The following VPS37A variants were observed in gnomAD, a reference collection of about 807,000 sequenced individuals.
VPS37A encodes the protein vacuolar protein sorting-associated protein 37A.
VPS37A carries 30 observed loss-of-function variants against 49.8 expected under a neutral mutation model. The observed-to-expected ratio is 0.60, with a 90% CI of 0.45 to 0.82. VPS37A has a LOEUF of 0.82. Among genes scored for constraint, VPS37A ranks in the 40% least tolerant of loss-of-function variants. The pLI, the probability that VPS37A is intolerant of heterozygous loss-of-function variation, is 0.00. For missense variants in VPS37A, 593 were observed against 464.4 expected (o/e 1.28, Z -2.55); for synonymous variants, 195 against 160.6 (o/e 1.21, Z -1.62).
intron 4 of VPS37A, among the ~76,000 whole-genome samples, chr8:17,269,369 A>C (rs999850498): frequency 6.6e-6 from 1 of 152,044 alleles, no homozygotes; most frequent in East Asian, 1.9e-4. Flanking sequence ...GTATGTTACC[A>C]TGTTTACATT....
chr8:17,268,271 C>T lies in VPS37A; in HGVS notation c.214C>T (p.Gln72Ter), dbSNP rs1190887071. 6.2e-7 allele frequency: 1 copy of T among 1,612,168 alleles called. No individual in the cohort carries two copies. Among genetic ancestry groups the T allele is most frequent in the Admixed American group, 1.7e-5 (1 of 59,958 alleles). Reference protein sequence around the residue: ...TININILLPPQFPQEKPVISV... With the variant: ...TININILLPP ...TACCTCTACCAGATTGCTTCCTCCACAGTTTCCTCAGGAAAAACCAGTGAT... is the reference window on the plus strand; with the variant it reads ...TACCTCTACCAGATTGCTTCCTCCATAGTTTCCTCAGGAAAAACCAGTGAT... Residue 72 changes from glutamine (Q) to a stop codon, truncating the protein, a stop_gained, in exon 3 of 12, where the codon CAG becomes TAG. Transcript: ENST00000324849. LOFTEE classifies it high-confidence loss of function.
At chr8:17,300,015 C>T (rs1817005860), downstream of VPS37A, 6 of 1,614,134 alleles carry the variant, frequency 3.7e-6, no homozygotes, top group Non-Finnish European at 4.2e-6. Context: ...CTGAACTTTT[C>T]AGATTGTCTT....
downstream of VPS37A, chr8:17,302,180 C>T (rs778518415): frequency 6.2e-7 from 1 of 1,614,148 alleles, no homozygotes; most frequent in South Asian, 1.1e-5. Context: ...AGTTCTTCCT[C>T]TAGCTGCTGA....
At chr8:17,291,762 C>A (rs1816182134) in intron 11 of VPS37A, among the ~76,000 whole-genome samples, 1 of 152,032 alleles carries the variant, frequency 6.6e-6, no homozygotes, top group South Asian at 2.1e-4. Context: ...GCAGGTTGTT[C>A]AGTTTCCATG....
intron 1 of VPS37A, among the ~76,000 whole-genome samples, chr8:17,250,589 C>G (rs1001393623): frequency 6.6e-6 from 1 of 152,146 alleles, no homozygotes; most frequent in Admixed American, 6.5e-5. Flanking sequence ...TTTTCTTCTG[C>G]TCTACTGAGT....
the VPS37A span, among the ~76,000 whole-genome samples, chr8:17,327,621 C>T: frequency 7.4e-6 from 1 of 135,356 alleles, no homozygotes; most frequent in East Asian, 2.2e-4. Context: ...TGGATTAGTC[C>T]CTAAGAGGAA....
At chr8:17,271,944 C>G in intron 4 of VPS37A, 1 of 453,370 alleles carries the variant, frequency 2.2e-6, no homozygotes, top group Non-Finnish European at 4.4e-6. Context: ...TCTCATCTTT[C>G]ATATTTAGCA....
chr8:17,263,059 CAAAA>C (rs11311080), intron 1 of VPS37A, among the ~76,000 whole-genome samples: 2 of 92,660 alleles, frequency 2.2e-5, no homozygotes, highest in East Asian at 2.4e-4. Flanking sequence ...AACCCCATCT[CAAAA>C]AAAAAAAAAA....
In VPS37A at chr8:17,297,063, A is replaced by ATATT. The variant is rs989963255; in HGVS notation, c.*2079_*2082dup. On this transcript the variant is annotated 3_prime_UTR_variant, in exon 12 of 12. Transcript: ENST00000324849. ...CCATTTTTTCTAATTTTATGGCTATATATTTTCTTCATAAAAATTGGTCAC... is the reference window on the plus strand; with the variant it reads ...CCATTTTTTCTAATTTTATGGCTATATATTTATTTTCTTCATAAAAATTGGTCAC... The ATATT allele has an allele frequency of 6.6e-6, 1 of 152,170 alleles. No individual in the cohort carries two copies. The highest frequency in any genetic ancestry group is 1.5e-5 in the Non-Finnish European group (1 of 68,000). The allele number at this position is 152,170 out of a possible 1,614,324, so 9.4% of individuals were successfully genotyped here. A position where few individuals can be genotyped will look rare whatever the true frequency, so the allele number is the denominator to read the frequency against.
the VPS37A span, among the ~76,000 whole-genome samples, chr8:17,310,301 T>C: frequency 6.6e-6 from 1 of 152,132 alleles, no homozygotes; most frequent in African/African-American, 2.4e-5. Context: ...ACACCCAGCC[T>C]GGATTTTAAA....
At chr8:17,313,386 G>T in the VPS37A span, 2 of 1,610,626 alleles carry the variant, frequency 1.2e-6, no homozygotes, top group African/African-American at 2.7e-5. Flanking sequence ...CATGGAGGGA[G>T]ATTTAAGTTC....
At chr8:17,248,455 T>C (rs1429486539) in intron 1 of VPS37A, 1 of 447,134 alleles carries the variant, frequency 2.2e-6, no homozygotes, top group African/African-American at 2.0e-5. Flanking sequence ...TTTGTATTTT[T>C]AGTAGAGACG....
intron 5 of VPS37A, 63 bp downstream of exon 5, chr8:17,275,021 T>C: frequency 2.8e-6 from 4 of 1,429,670 alleles, no homozygotes; most frequent in Non-Finnish European, 3.9e-6. Flanking sequence ...CACACACCTT[T>C]ATTACATGCC....
chr8:17,248,467 G>C, intron 1 of VPS37A: 1 of 437,050 alleles, frequency 2.3e-6, no homozygotes, highest in Non-Finnish European at 4.6e-6. Context: ...GTAGAGACGG[G>C]GTTTCACCAC....
At chr8:17,332,984 G>A in the VPS37A span, among the ~76,000 whole-genome samples, 1 of 152,096 alleles carries the variant, frequency 6.6e-6, no homozygotes, top group African/African-American at 2.4e-5. Context: ...GATACCGAGA[G>A]CATATATGAA....
At chr8:17,314,171 G>C in the VPS37A span, among the ~76,000 whole-genome samples, 2 of 152,266 alleles carry the variant, frequency 1.3e-5, no homozygotes, top group East Asian at 3.9e-4. Flanking sequence ...CTAGTGTTCT[G>C]AGTACATATC....
the VPS37A span, among the ~76,000 whole-genome samples, chr8:17,331,535 C>T: frequency 6.6e-6 from 1 of 152,190 alleles, no homozygotes; most frequent in East Asian, 1.9e-4. Context: ...TACTGATAAA[C>T]CCTTCTGGAG....
intron 1 of VPS37A, among the ~76,000 whole-genome samples, chr8:17,249,922 T>C (rs1360901121): frequency 2.0e-5 from 3 of 152,168 alleles, no homozygotes; most frequent in African/African-American, 4.8e-5. Context: ...AGAAATGTGA[T>C]TGGACAAAAA....
chr8:17,286,313 A>C (rs1815581909), intron 10 of VPS37A, 34 bp from the exon 11 acceptor site: 1 of 1,576,658 alleles, frequency 6.3e-7, no homozygotes, highest in Non-Finnish European at 8.7e-7. Context: ...ATCTTTGTAA[A>C]AGTGACTGGT....
Sources: gnomAD v4.1 joint callset for allele counts (sites outside exome capture counted in the v4.1 genomes callset) on GRCh38, gnomAD v4.1.1 for gene constraint, MANE v1.5 for transcripts, NCBI Gene and HGNC (gene_info 2026-07-23, HGNC 2026-07-21) for gene names.